The following FOXN3 variants were observed in gnomAD, a reference collection of about 807,000 sequenced individuals.
The protein encoded by FOXN3 is forkhead box N3.
A neutral mutation model predicts 38.4 loss-of-function variants in FOXN3; 7 were observed. The observed-to-expected ratio is 0.18, with a 90% CI of 0.10 to 0.34. FOXN3 has a LOEUF of 0.34. Ranked by LOEUF, FOXN3 falls within the 10% of genes least tolerant of loss-of-function variation. FOXN3 has a pLI of 1.00. For missense variants in FOXN3, 456 were observed against 613.4 expected (o/e 0.74, Z 2.71); for synonymous variants, 230 against 242.2 (o/e 0.95, Z 0.47).
intron 4 of FOXN3, among the ~76,000 whole-genome samples, chr14:89,260,549 C>A (rs1885766334): frequency 6.6e-6 from 1 of 152,230 alleles, no homozygotes; most frequent in Admixed American, 6.5e-5. Context: ...CACTTTGTCC[C>A]CAGGGTCATG....
intron 4 of FOXN3, among the ~76,000 whole-genome samples, chr14:89,202,346 A>G (rs552120761): frequency 6.6e-6 from 1 of 152,386 alleles, no homozygotes; most frequent in Admixed American, 6.5e-5. Context: ...CTTTCTGGGT[A>G]GACTTCTACC....
intron 1 of FOXN3, among the ~76,000 whole-genome samples, chr14:89,518,083 A>G (rs1462112055): frequency 6.6e-6 from 1 of 152,200 alleles, no homozygotes. Flanking sequence ...TTGTGGTTAA[A>G]CAACCCTAAG....
At position 89,511,161 on chromosome 14, in the gene FOXN3, CTTTCTTTCTTT is replaced by C. The variant is rs1894056919; in HGVS notation, c.-14-98682_-14-98672del. 1.3e-4 allele frequency among the ~76,000 whole-genome samples: 3 copies of C among 22,320 alleles called. 1 individual carries two copies. Among genetic ancestry groups the C allele is most frequent in the African/African-American group, 2.2e-4 (3 of 13,702 alleles). 14.6% of individuals were successfully genotyped at this position (22,320 alleles called of 152,430 possible). A position where few individuals can be genotyped will look rare whatever the true frequency, so the allele number is the denominator to read the frequency against. Reference sequence around the variant, plus strand: ...CTTTCTTTTCTTTCTTTCTTTCTTTCTTTCTTTCTTTCTTTCTTTCTTTCTTTCTTTTCTTT... The same window carrying C: ...CTTTCTTTTCTTTCTTTCTTTCTTTCCTTTCTTTCTTTCTTTCTTTTCTTT... On this transcript the variant is annotated intron_variant, in intron 1 of 6. Coordinates refer to the FOXN3 transcript ENST00000345097.
chr14:89,372,037 CTTCT>C (rs1890333458), intron 2 of FOXN3, among the ~76,000 whole-genome samples: 2 of 152,130 alleles, frequency 1.3e-5, no homozygotes, highest in African/African-American at 4.8e-5. Context: ...CCCACAGTTT[CTTCT>C]TTCTGAGTGT....
chr14:89,416,174 A>T (rs1206650556), intron 1 of FOXN3, among the ~76,000 whole-genome samples: 1 of 152,158 alleles, frequency 6.6e-6, no homozygotes, highest in Non-Finnish European at 1.5e-5. Flanking sequence ...TGTACTTGTC[A>T]AAAACATTTC....
chr14:89,305,899 C>A (rs1887355237), intron 3 of FOXN3, among the ~76,000 whole-genome samples: 2 of 152,180 alleles, frequency 1.3e-5, no homozygotes, highest in African/African-American at 4.8e-5. Context: ...CTAAACAAAA[C>A]CAGGTGTTTA....
intron 2 of FOXN3, among the ~76,000 whole-genome samples, chr14:89,363,617 G>A (rs773886864): frequency 6.6e-6 from 1 of 152,184 alleles, no homozygotes; most frequent in Admixed American, 6.5e-5. Context: ...GGATGATGAC[G>A]TATACAATAT....
intron 4 of FOXN3, among the ~76,000 whole-genome samples, chr14:89,252,283 C>T (rs1475165564): frequency 6.6e-6 from 1 of 152,176 alleles, no homozygotes; most frequent in Non-Finnish European, 1.5e-5. Context: ...CCATATACTA[C>T]CCCTGGTACA....
intron 1 of FOXN3, among the ~76,000 whole-genome samples, chr14:89,563,400 A>G (rs1184263464): frequency 1.3e-5 from 2 of 152,266 alleles, no homozygotes; most frequent in Admixed American, 6.5e-5. Context: ...ACAGCCATAC[A>G]GAATGGCAAT....
In FOXN3 at chr14:89,480,462, AC is replaced by A. The variant is rs199563329; in HGVS notation, c.-14-67973del. ...AAACCATGCTGAACTCAGTGTGTTG[AC>A]TTTTACACCCTATAACCTGGCCAGC... On this transcript the variant is annotated intron_variant, in intron 1 of 6. Transcript: ENST00000345097. Among the ~76,000 whole-genome samples the A allele has an allele frequency of 3.1e-3, 474 of 151,996 alleles. 4 individuals carry two copies. The highest frequency in any genetic ancestry group is 0.011 in the African/African-American group (446 of 41,456).
At chr14:89,551,970 A>G (rs1895013325) in intron 1 of FOXN3, among the ~76,000 whole-genome samples, 1 of 152,202 alleles carries the variant, frequency 6.6e-6, no homozygotes, top group African/African-American at 2.4e-5. Context: ...CTAGGAACCT[A>G]GTACTAGTCA....
intron 1 of FOXN3, among the ~76,000 whole-genome samples, chr14:89,518,529 G>T (rs1049662756): frequency 6.6e-6 from 1 of 152,184 alleles, no homozygotes; most frequent in Non-Finnish European, 1.5e-5. Flanking sequence ...CTTATACTGT[G>T]TTCTCCCTCC....
intron 1 of FOXN3, among the ~76,000 whole-genome samples, chr14:89,603,916 A>G (rs1299758006): frequency 6.6e-5 from 10 of 152,168 alleles, no homozygotes; most frequent in Admixed American, 6.5e-4. Context: ...AGCTACAGAG[A>G]GGACTTTAAA....
chr14:89,258,571 T>G (rs531645607), intron 4 of FOXN3, among the ~76,000 whole-genome samples: 1 of 152,356 alleles, frequency 6.6e-6, no homozygotes, highest in East Asian at 1.9e-4. Context: ...CACCTACATC[T>G]TATTTTCTAA....
At chr14:89,533,111 T>C (rs893069083) in intron 1 of FOXN3, among the ~76,000 whole-genome samples, 4 of 152,192 alleles carry the variant, frequency 2.6e-5, no homozygotes, top group African/African-American at 4.8e-5. Context: ...AGAATGTAAA[T>C]AGGCACTGAT....
At chr14:89,609,233 G>A (rs1051322294) in intron 1 of FOXN3, among the ~76,000 whole-genome samples, 2 of 152,080 alleles carry the variant, frequency 1.3e-5, no homozygotes, top group African/African-American at 4.8e-5. Context: ...ACAGGGTCTC[G>A]CTCTGTCACC....
chr14:89,249,202 T>G (rs1173736982), intron 4 of FOXN3, among the ~76,000 whole-genome samples: 1 of 152,148 alleles, frequency 6.6e-6, no homozygotes, highest in Non-Finnish European at 1.5e-5. Flanking sequence ...AAAGGAACAT[T>G]CTAGAAATTC....
At chr14:89,440,156 G>T (rs1440918832) in intron 1 of FOXN3, among the ~76,000 whole-genome samples, 1 of 152,106 alleles carries the variant, frequency 6.6e-6, no homozygotes, top group East Asian at 1.9e-4. Context: ...CCAGCTAAGA[G>T]GCAGACTTGG....
chr14:89,360,793 C>G (rs1279126629), intron 2 of FOXN3, among the ~76,000 whole-genome samples: 1,478 of 93,268 alleles, frequency 0.016, 28 homozygotes, highest in Admixed American at 0.031. Context: ...ACCTCCACCA[C>G]CACCACCTCC....
Sources: allele counts gnomAD v4.1 joint callset (sites outside exome capture counted in the v4.1 genomes callset), GRCh38; gene constraint gnomAD v4.1.1; transcripts MANE v1.5; gene names NCBI Gene and HGNC (gene_info 2026-07-23, HGNC 2026-07-21).